The following UGGT2 variants were observed in gnomAD, a reference collection of about 807,000 sequenced individuals.
UGGT2 encodes UDP-glucose glycoprotein glucosyltransferase 2.
UGGT2 carries 180 observed loss-of-function variants against 192.1 expected under a neutral mutation model. The observed-to-expected ratio is 0.94, with a 90% confidence interval of 0.83 to 1.06. UGGT2 has a LOEUF of 1.06. Ranked by LOEUF, UGGT2 falls within the 50% of genes least tolerant of loss-of-function variation. UGGT2 has a pLI of 0.00. For synonymous variants in UGGT2, 580 were observed against 591.0 expected, an observed-to-expected ratio of 0.98 and a Z score of 0.27; for missense variants, 1,849 against 1,795.7, an observed-to-expected ratio of 1.03 and a Z score of -0.54.
At chr13:95,935,457 T>C (rs983108355) in intron 17 of UGGT2, among the ~76,000 whole-genome samples, 1 of 152,226 alleles carries the variant, frequency 6.6e-6, no homozygotes, top group Non-Finnish European at 1.5e-5. Flanking sequence ...AAATTCTTGG[T>C]TGGAATTTCT....
At chr13:95,803,659 C>T (rs1175356928) in intron 38 of UGGT2, among the ~76,000 whole-genome samples, 6 of 152,094 alleles carry the variant, frequency 3.9e-5, no homozygotes, top group African/African-American at 1.4e-4. Flanking sequence ...TGTTCCATGA[C>T]CATACACCTA....
At chr13:96,051,291 T>C (rs1042375491) in intron 1 of UGGT2, among the ~76,000 whole-genome samples, 8 of 152,076 alleles carry the variant, frequency 5.3e-5, no homozygotes, top group African/African-American at 1.2e-4. Context: ...ATGAGAATAC[T>C]TGGACACACA....
chr13:96,032,264 T>C (rs2139160981), intron 1 of UGGT2, among the ~76,000 whole-genome samples: 1 of 152,242 alleles, frequency 6.6e-6, no homozygotes, highest in East Asian at 1.9e-4. Flanking sequence ...TGATAGTTTA[T>C]TCTATCTTGC....
chr13:96,033,724 T>G (rs1043832271), intron 1 of UGGT2, among the ~76,000 whole-genome samples: 1 of 152,134 alleles, frequency 6.6e-6, no homozygotes, highest in African/African-American at 2.4e-5. Flanking sequence ...TGGTTGTACA[T>G]GTTTGGGGTA....
At chr13:95,833,942 T>C (rs1381939689) in intron 37 of UGGT2, among the ~76,000 whole-genome samples, 2 of 152,180 alleles carry the variant, frequency 1.3e-5, no homozygotes, top group Non-Finnish European at 2.9e-5. Context: ...TTTCCTCTTA[T>C]TTCTTAGGGG....
intron 29 of UGGT2, among the ~76,000 whole-genome samples, chr13:95,876,532 G>A (rs1269701034): frequency 2.6e-5 from 4 of 152,180 alleles, no homozygotes; most frequent in African/African-American, 9.7e-5. Flanking sequence ...AGGCCTACCT[G>A]GCTTTGGGTT....
chr13:95,840,586 C>T lies in UGGT2; in HGVS notation c.4285-3384G>A, dbSNP rs564779805. 2.5e-3 allele frequency among the ~76,000 whole-genome samples: 373 copies of T among 152,212 alleles called. 2 individuals are homozygous for T. Among genetic ancestry groups the T allele is most frequent in the African/African-American group, 8.7e-3 (360 of 41,508 alleles). ...GCAAGGATGTGGAGTAATAGGAACACTTTTACACTGCTGGTGGGAGTGTAC... is the reference window on the plus strand; with the variant it reads ...GCAAGGATGTGGAGTAATAGGAACATTTTTACACTGCTGGTGGGAGTGTAC... On this transcript the variant is annotated intron_variant, in intron 36 of 38. Coordinates refer to ENST00000376747, the MANE Select transcript of UGGT2 (RefSeq NM_020121.4).
At chr13:96,000,318 C>T (rs1334348837) in intron 5 of UGGT2, among the ~76,000 whole-genome samples, 1 of 152,170 alleles carries the variant, frequency 6.6e-6, no homozygotes. Flanking sequence ...CCTAAACTTT[C>T]TACCAAGCCT....
intron 5 of UGGT2, among the ~76,000 whole-genome samples, chr13:96,002,908 C>T (rs1056071315): frequency 5.3e-5 from 8 of 152,320 alleles, no homozygotes; most frequent in Non-Finnish European, 1.2e-4. Flanking sequence ...AAGCCAAGCT[C>T]TGTTCCCATA....
chr13:95,816,250 T>C (rs1884873715), intron 38 of UGGT2, among the ~76,000 whole-genome samples: 1 of 152,204 alleles, frequency 6.6e-6, no homozygotes, highest in African/African-American at 2.4e-5. Flanking sequence ...TATATCACTA[T>C]GCATCCATTA....
At chr13:95,958,254 C>T (rs1002647015) in intron 12 of UGGT2, among the ~76,000 whole-genome samples, 1 of 152,050 alleles carries the variant, frequency 6.6e-6, no homozygotes, top group Non-Finnish European at 1.5e-5. Flanking sequence ...TAGGTTCATG[C>T]CATTCTCCTG....
At chr13:96,006,817 G>A in intron 5 of UGGT2, among the ~76,000 whole-genome samples, 1 of 152,076 alleles carries the variant, frequency 6.6e-6, no homozygotes, top group Non-Finnish European at 1.5e-5. Flanking sequence ...CATCATGAGT[G>A]TCTAAAGGGA....
rs762420631 is a variant in UGGT2, at chr13:95,859,600, C to T, written c.3816G>A (p.Pro1272=). The stretch of plus-strand genomic sequence containing the variant: ...AAAGCTATGTACTTACTTTAAATGT[C>T]GGTGAGAGATAATTTTTTAGCAACC... ...KFWLLKNYLS[P]TFKEVIPHMA... The change falls in exon 33 of 39, where the codon CCG becomes CCA. Residue 1272 remains proline (P), a synonymous_variant. Transcript: ENST00000376747. 1.9e-5 allele frequency: 31 copies of T among 1,608,602 alleles called. No homozygotes were observed. The highest frequency in any genetic ancestry group is 3.3e-4 in the Middle Eastern group (2 of 6,022).
At chr13:95,809,332 A>T (rs184504465) in intron 38 of UGGT2, 11 of 477,876 alleles carry the variant, frequency 2.3e-5, no homozygotes, top group African/African-American at 2.2e-4. Flanking sequence ...CTTTCTCTCT[A>T]GCTTCATTGG....
intron 38 of UGGT2, among the ~76,000 whole-genome samples, chr13:95,828,405 A>G (rs542439822): frequency 6.6e-6 from 1 of 152,326 alleles, no homozygotes; most frequent in South Asian, 2.1e-4. Context: ...AAAGATCAAC[A>G]AAATTGACAG....
intron 29 of UGGT2, among the ~76,000 whole-genome samples, chr13:95,875,022 C>T (rs1594206257): frequency 6.6e-6 from 1 of 152,102 alleles, no homozygotes; most frequent in Non-Finnish European, 1.5e-5. Flanking sequence ...TAGGAACTGT[C>T]CAATTGTTCA....
chr13:96,025,856 C>A (rs1378952372), intron 2 of UGGT2, among the ~76,000 whole-genome samples: 1 of 151,432 alleles, frequency 6.6e-6, no homozygotes, highest in East Asian at 1.9e-4. Flanking sequence ...AGAAGGAGCA[C>A]AAGAGTAAAG....
intron 20 of UGGT2, among the ~76,000 whole-genome samples, chr13:95,904,568 A>C (rs1265288423): frequency 6.6e-6 from 1 of 151,206 alleles, no homozygotes; most frequent in Non-Finnish European, 1.5e-5. Flanking sequence ...TTCTTGCGAT[A>C]GTTTACTGAG....
At chr13:95,841,718 T>C (rs1566574167) in intron 36 of UGGT2, among the ~76,000 whole-genome samples, 1 of 152,234 alleles carries the variant, frequency 6.6e-6, no homozygotes, top group Non-Finnish European at 1.5e-5. Context: ...ATCTTTTTCT[T>C]TTATTGCTTG....
Sources: allele counts gnomAD v4.1 joint callset (sites outside exome capture counted in the v4.1 genomes callset), GRCh38; gene constraint gnomAD v4.1.1; transcripts MANE v1.5; gene names NCBI Gene and HGNC (gene_info 2026-07-23, HGNC 2026-07-21).